Variants in TBPL1 observed in about 807,000 individuals in gnomAD.
The protein encoded by TBPL1 is TATA box-binding protein-like 1.
TBPL1 carries 4 observed loss-of-function variants against 22.1 expected under a neutral mutation model. The observed-to-expected ratio is 0.18, with a 90% confidence interval of 0.09 to 0.41. The LOEUF (loss-of-function observed/expected upper bound fraction) is 0.41. Among genes scored for constraint, TBPL1 ranks in the 10% least tolerant of loss-of-function variants. The pLI, the probability that TBPL1 is intolerant of heterozygous loss-of-function variation, is 1.00. For synonymous variants in TBPL1, 64 were observed against 71.0 expected, an observed-to-expected ratio of 0.90 and a Z score of 0.50; for missense variants, 115 against 222.3, an observed-to-expected ratio of 0.52 and a Z score of 3.07.
chr6:133,980,249 C>T lies in TBPL1; in HGVS notation c.124C>T (p.Arg42Cys), dbSNP rs1266737327. The T allele has an allele frequency of 6.2e-6, 10 of 1,605,098 alleles. No homozygotes were observed. The highest frequency in any genetic ancestry group is 4.5e-5 in the East Asian group (2 of 44,572). Reference protein sequence around the residue: ...ALEGANVIYKRDVGKVLMKLR... With the variant: ...ALEGANVIYKCDVGKVLMKLR... ...GGAAGGAGCAAATGTAATTTATAAA[C>T]GTGATGTTGGAGTAAGTATCTGAGT... The change falls in exon 2 of 7, where the codon CGT (arginine) becomes TGT (cysteine). Residue 42 changes from arginine to cysteine, a missense_variant. Coordinates refer to ENST00000237264, the MANE Select transcript of TBPL1 (RefSeq NM_004865.4).
In TBPL1 at chr6:133,985,297, AATATAT is replaced by A. The variant is rs3068194; in HGVS notation, c.481+662_481+667del. 8.2e-3 allele frequency among the ~76,000 whole-genome samples: 353 copies of A among 42,854 alleles called. 21 individuals carry two copies. The highest frequency in any genetic ancestry group is 0.013 in the Middle Eastern group (1 of 78). The allele number at this position is 42,854 out of a possible 152,430, so 28.1% of individuals were successfully genotyped here. A position where few individuals can be genotyped will look rare whatever the true frequency, so the allele number is the denominator to read the frequency against. On this transcript the variant is annotated intron_variant, in intron 6 of 6. Coordinates refer to ENST00000237264, the MANE Select transcript of TBPL1 (RefSeq NM_004865.4). Reference sequence around the variant, plus strand: ...TGTCTAAAAAAAAAAAAAAAAAAAAAATATATATATATATATATATATATATATATA... The same window carrying A: ...TGTCTAAAAAAAAAAAAAAAAAAAAAATATATATATATATATATATATATA...
In TBPL1 at chr6:133,987,135, G is replaced by A; in HGVS notation, c.*95G>A. The A allele has an allele frequency of 1.4e-6, 1 of 730,236 alleles. No homozygotes were observed. Among genetic ancestry groups the A allele is most frequent in the Non-Finnish European group, 2.2e-6 (1 of 455,162 alleles). 45.2% of individuals were successfully genotyped at this position (730,236 alleles called of 1,614,324 possible). On this transcript the variant is annotated 3_prime_UTR_variant, in exon 7 of 7. Transcript: ENST00000237264. ...GAAAACTGGACCAACAATAATTGAG[G>A]AAATAGACTCTTTTATTCATTCACG...
At chr6:133,955,243 G>A (rs1374665008) in intron 1 of TBPL1, among the ~76,000 whole-genome samples, 1 of 148,462 alleles carries the variant, frequency 6.7e-6, no homozygotes, top group Non-Finnish European at 1.5e-5. Context: ...CTAGTTTGCC[G>A]TTGTCTGTCT....
At chr6:133,984,042 C>A (rs983965526) in intron 4 of TBPL1, among the ~76,000 whole-genome samples, 1 of 152,108 alleles carries the variant, frequency 6.6e-6, no homozygotes, top group South Asian at 2.1e-4. Context: ...ATGACCTGGA[C>A]TTAAATTTTT....
intron 4 of TBPL1, 75 bp downstream of exon 4, chr6:133,982,955 C>A (rs1562667170): frequency 7.4e-7 from 1 of 1,357,824 alleles, no homozygotes; most frequent in Non-Finnish European, 1.0e-6. Context: ...TTGTAATAGA[C>A]TCAAGAAATC....
Position 133,987,189 on chromosome 6 carries a change from A to T in TBPL1, c.*149A>T, listed in dbSNP as rs1776543276. ...ACAGTGTAAGCTCCAGTCCCTTTGGATTTTATTCCAAACCTTGCTGTAATA... is the reference window on the plus strand; with the variant it reads ...ACAGTGTAAGCTCCAGTCCCTTTGGTTTTTATTCCAAACCTTGCTGTAATA... On this transcript the variant is annotated 3_prime_UTR_variant, in exon 7 of 7. Transcript: ENST00000237264. 2.1e-6 allele frequency: 1 copy of T among 475,326 alleles called. No individual in the cohort carries two copies. The highest frequency in any genetic ancestry group is 3.7e-6 in the Non-Finnish European group (1 of 272,178). The allele number at this position is 475,326 out of a possible 1,614,324, so 29.4% of individuals were successfully genotyped here.
intron 1 of TBPL1, among the ~76,000 whole-genome samples, chr6:133,966,740 C>T (rs1305247755): frequency 6.6e-6 from 1 of 152,078 alleles, no homozygotes; most frequent in African/African-American, 2.4e-5. Context: ...TTTTTTCCAT[C>T]CCCATATCAA....
chr6:133,984,455 C>T lies in TBPL1; in HGVS notation c.362C>T (p.Thr121Ile). ...TTTGAAATCCGTTTGCCAGAATTCA[C>T]AAAGAACAATAGACCTCATGCCAGG... ...MPFEIRLPEF[T>I]KNNRPHASYE... The change falls in exon 5 of 7, where the codon ACA becomes ATA. Residue 121 changes from threonine (T) to isoleucine (I), a missense_variant. Coordinates refer to ENST00000237264, the MANE Select transcript of TBPL1 (RefSeq NM_004865.4). 6.2e-7 allele frequency: 1 copy of T among 1,613,664 alleles called. No individual in the cohort carries two copies. The highest frequency in any genetic ancestry group is 8.5e-7 in the Non-Finnish European group (1 of 1,179,816).
At chr6:133,983,124 G>GT in intron 4 of TBPL1, among the ~76,000 whole-genome samples, 1 of 152,282 alleles carries the variant, frequency 6.6e-6, no homozygotes, top group Admixed American at 6.5e-5. Context: ...TTCCTCACAA[G>GT]TTAATTTCCT....
Position 133,989,230 on chromosome 6 carries a change from G to A in TBPL1, c.*2190G>A, listed in dbSNP as rs1426754709. 1.3e-5 allele frequency: 2 copies of A among 152,082 alleles called. No homozygotes were observed. The highest frequency in any genetic ancestry group is 2.4e-5 in the African/African-American group (1 of 41,424). 9.4% of individuals were successfully genotyped at this position (152,082 alleles called of 1,614,324 possible). On this transcript the variant is annotated 3_prime_UTR_variant, in exon 7 of 7. Coordinates refer to ENST00000237264, the MANE Select transcript of TBPL1 (RefSeq NM_004865.4). ...AAAAACTGTGAATATATATGTACAA[G>A]TTGTAAGTATTTCCCCCTTTTTATT...
At chr6:133,968,269 A>G (rs934227634) in intron 1 of TBPL1, among the ~76,000 whole-genome samples, 14 of 152,212 alleles carry the variant, frequency 9.2e-5, no homozygotes, top group African/African-American at 3.4e-4. Flanking sequence ...TTATATAATC[A>G]GAAAATGACA....
chr6:133,958,856 T>C (rs1775970590), intron 1 of TBPL1, among the ~76,000 whole-genome samples: 1 of 152,168 alleles, frequency 6.6e-6, no homozygotes, highest in South Asian at 2.1e-4. Flanking sequence ...TGTGCTGGTT[T>C]TGTTTATTTG....
In TBPL1 at chr6:133,987,648, G is replaced by GTGTGTATATATATATATATA. The variant is rs200249148; in HGVS notation, c.*609_*610insGTGTATATATATATATATAT. 9.1e-5 allele frequency: 8 copies of GTGTGTATATATATATATATA among 88,320 alleles called. No individual in the cohort carries two copies. The highest frequency in any genetic ancestry group is 2.9e-4 in the African/African-American group (8 of 27,502). The allele number at this position is 88,320 out of a possible 1,614,324, so 5.5% of individuals were successfully genotyped here. ...TTTGTGTGTGTGTGTGTGTGTGTGTGTATATATATATATATATATGCACCA... is the reference window on the plus strand; with the variant it reads ...TTTGTGTGTGTGTGTGTGTGTGTGTGTGTGTATATATATATATATATATATATATATATATATATGCACCA... On this transcript the variant is annotated 3_prime_UTR_variant, in exon 7 of 7. Transcript: ENST00000237264.
chr6:133,969,808 A>G (rs1035100337), intron 1 of TBPL1, among the ~76,000 whole-genome samples: 1 of 152,224 alleles, frequency 6.6e-6, no homozygotes, highest in African/African-American at 2.4e-5. Context: ...ATGCATGCTG[A>G]AGGGGAAGTG....
rs60174070 is a variant in TBPL1, at chr6:133,985,337, T to TACAC, written c.481+670_481+673dup. Among the ~76,000 whole-genome samples the TACAC allele has an allele frequency of 5.6e-3, 308 of 54,956 alleles. 23 individuals are homozygous for TACAC. Among genetic ancestry groups the TACAC allele is most frequent in the African/African-American group, 0.018 (295 of 16,846 alleles). The allele number at this position is 54,956 out of a possible 152,430, so 36.1% of individuals were successfully genotyped here. ...ATATATATATATATATATATATATA[T>TACAC]ACACACATATATTTTCTGGTATATG... On this transcript the variant is annotated intron_variant, in intron 6 of 6. Transcript: ENST00000237264.
rs1223397815 is a variant in TBPL1 at position 133,978,524 on chromosome 6, T to A, written c.-44-1558T>A. On this transcript the variant is annotated intron_variant, in intron 1 of 6. Transcript: ENST00000237264. Reference sequence around the variant, plus strand: ...TTTTTAATCTGTCTGCTTATATATCTATCCATCAGTTCCTATTGTCACCCC... The same window carrying A: ...TTTTTAATCTGTCTGCTTATATATCAATCCATCAGTTCCTATTGTCACCCC... Among the ~76,000 whole-genome samples, 3 of 152,350 alleles carry A rather than the reference T, an allele frequency of 2.0e-5. No individual in the cohort carries two copies. The South Asian group carries it at 6.2e-4, about 32-fold the overall frequency.
Position 133,980,094 on chromosome 6 carries a change from G to C in TBPL1, c.-32G>C. The stretch of plus-strand genomic sequence containing the variant: ...TTTTATTTCTCAGGATGTGATCTTC[G>C]TGGTGGAAAGCTAAATTTTAAAACC... On this transcript the variant is annotated 5_prime_UTR_variant, in exon 2 of 7. Coordinates refer to ENST00000237264, the MANE Select transcript of TBPL1 (RefSeq NM_004865.4). 6.9e-7 allele frequency: 1 copy of C among 1,452,658 alleles called. No homozygotes were observed. Among genetic ancestry groups the C allele is most frequent in the Non-Finnish European group, 9.1e-7 (1 of 1,096,938 alleles). The allele number at this position is 1,452,658 out of a possible 1,614,324, so 90.0% of individuals were successfully genotyped here. A position where few individuals can be genotyped will look rare whatever the true frequency, so the allele number is the denominator to read the frequency against.
chr6:133,956,457 T>A (rs9375994), intron 1 of TBPL1, among the ~76,000 whole-genome samples: 63,550 of 151,958 alleles, frequency 0.42, 15,265 homozygotes, highest in Non-Finnish European at 0.57. Flanking sequence ...CAAATATGAA[T>A]TTTAAATTCT....
At chr6:133,984,786 G>A (rs898123267) in intron 6 of TBPL1, 115 bp downstream of exon 6, 4 of 856,580 alleles carry the variant, frequency 4.7e-6, no homozygotes, top group Non-Finnish European at 7.3e-6. Context: ...CTGCCCTTTA[G>A]AGGAACCAGT....
Sources: allele counts gnomAD v4.1 joint callset (sites outside exome capture counted in the v4.1 genomes callset), GRCh38; gene constraint gnomAD v4.1.1; transcripts MANE v1.5; gene names NCBI Gene and HGNC (gene_info 2026-07-23, HGNC 2026-07-21).